GRAP2: variants seen among roughly 807,000 people sequenced by gnomAD.
GRAP2 encodes the protein GRB2 related adaptor protein 2.
In GRAP2, 31 loss-of-function variants were observed where a neutral mutation model predicts 43.5. The observed-to-expected ratio is 0.71, with a 90% CI of 0.54 to 0.96. The LOEUF (loss-of-function observed/expected upper bound fraction) is 0.96. GRAP2 is among the 40% of genes least tolerant of loss of function. The pLI is 0.00. For missense variants in GRAP2, 371 were observed against 424.4 expected (o/e 0.87, Z 1.11); for synonymous variants, 156 against 164.8 (o/e 0.95, Z 0.41).
chr22:39,958,273 G>A (rs547430372), intron 3 of GRAP2, among the ~76,000 whole-genome samples: 1 of 152,212 alleles, frequency 6.6e-6, no homozygotes, highest in South Asian at 2.1e-4. Context: ...GGTTTAGAAT[G>A]TCTCCTTTTC....
At chr22:39,905,167 A>G (rs796661490) in intron 1 of GRAP2, among the ~76,000 whole-genome samples, 4 of 152,296 alleles carry the variant, frequency 2.6e-5, no homozygotes, top group African/African-American at 9.6e-5. Context: ...AGTGTATCTC[A>G]TAAACACTTT....
At chr22:39,901,689 G>T (rs142138801) in intron 1 of GRAP2, among the ~76,000 whole-genome samples, 1 of 152,178 alleles carries the variant, frequency 6.6e-6, no homozygotes, top group Non-Finnish European at 1.5e-5. Context: ...GGGATTGGAG[G>T]GGGTGGTAGA....
At chr22:39,926,262 T>C (rs1268341275) in intron 1 of GRAP2, among the ~76,000 whole-genome samples, 2 of 152,200 alleles carry the variant, frequency 1.3e-5, no homozygotes, top group East Asian at 3.8e-4. Context: ...ATTGGCGCTG[T>C]GTAGTTACAC....
chr22:39,897,087 C>T (rs1436229710), upstream of GRAP2, among the ~76,000 whole-genome samples: 1 of 152,206 alleles, frequency 6.6e-6, no homozygotes, highest in Admixed American at 6.5e-5. Flanking sequence ...CTCTTCGATT[C>T]TGACAACTCT....
At chr22:39,923,906 G>A (rs1472425139) in intron 1 of GRAP2, among the ~76,000 whole-genome samples, 2 of 152,144 alleles carry the variant, frequency 1.3e-5, no homozygotes, top group African/African-American at 4.8e-5. Flanking sequence ...AATGCCATTG[G>A]ATCAGTAGGG....
intron 5 of GRAP2, among the ~76,000 whole-genome samples, chr22:39,967,544 C>T (rs2284077): frequency 0.43 from 65,186 of 152,036 alleles, 16,314 homozygotes; most frequent in Middle Eastern, 0.59. Context: ...TCTTCCCCCA[C>T]GTCCAGCCCG....
At chr22:39,958,707 T>G (rs185024059) in intron 3 of GRAP2, among the ~76,000 whole-genome samples, 2 of 152,352 alleles carry the variant, frequency 1.3e-5, no homozygotes, top group African/African-American at 4.8e-5. Flanking sequence ...TCCCCTTCAC[T>G]TCTGAAATGT....
chr22:39,904,949 T>C lies in GRAP2; in HGVS notation c.-15+3619T>C, dbSNP rs1431227748. 2.6e-5 allele frequency among the ~76,000 whole-genome samples: 4 copies of C among 152,140 alleles called. No individual in the cohort carries two copies. The East Asian group carries it at 7.7e-4, about 29-fold the overall frequency. Reference sequence around the variant, plus strand: ...TCCAAGTTAGGACTAAAAGCATGATTTGATTTTGATTGAACGTTTTTTGCA... The same window carrying C: ...TCCAAGTTAGGACTAAAAGCATGATCTGATTTTGATTGAACGTTTTTTGCA... On this transcript the variant is annotated intron_variant, in intron 1 of 7. Transcript: ENST00000344138.
Position 39,973,632 on chromosome 22 carries a change from A to G in GRAP2, c.*2548A>G, listed in dbSNP as rs970752926. On this transcript the variant is annotated 3_prime_UTR_variant, in exon 8 of 8. Coordinates refer to ENST00000344138, the MANE Select transcript of GRAP2 (RefSeq NM_004810.4). The stretch of plus-strand genomic sequence containing the variant: ...AATGAGGGCTCTTAGCGGCCAGGTA[A>G]AGAGGACAAGAACCAAACTGTCCAC... 6.6e-6 allele frequency: 1 copy of G among 152,244 alleles called. No homozygotes were observed. The highest frequency in any genetic ancestry group is 2.4e-5 in the African/African-American group (1 of 41,448). The allele number at this position is 152,244 out of a possible 1,614,324, so 9.4% of individuals were successfully genotyped here. A position where few individuals can be genotyped will look rare whatever the true frequency, so the allele number is the denominator to read the frequency against.
rs1384838010 is a variant in GRAP2 at position 39,971,424 on chromosome 22, G to C, written c.*340G>C. 1 of 290,610 alleles carries C rather than the reference G, an allele frequency of 3.4e-6. No homozygotes were observed. The highest frequency in any genetic ancestry group is 6.3e-6 in the Non-Finnish European group (1 of 157,628). 18.0% of individuals were successfully genotyped at this position (290,610 alleles called of 1,614,324 possible). A position where few individuals can be genotyped will look rare whatever the true frequency, so the allele number is the denominator to read the frequency against. On this transcript the variant is annotated 3_prime_UTR_variant, in exon 8 of 8. Transcript: ENST00000344138. ...CCTCCTTGTCTTGGGAATTTTCACG[G>C]AGAACAGCTAAGCAGAGACCACACC...
At chr22:39,955,740 C>A (rs2067042501) in intron 2 of GRAP2, 79 bp from the exon 3 acceptor site, 1 of 749,382 alleles carries the variant, frequency 1.3e-6, no homozygotes, top group Admixed American at 1.9e-5. Context: ...AAAGGGCCTT[C>A]TTTGCCTGGC....
intron 1 of GRAP2, among the ~76,000 whole-genome samples, chr22:39,910,558 G>A (rs533898267): frequency 3.0e-4 from 45 of 151,764 alleles, no homozygotes; most frequent in African/African-American, 8.9e-4. Context: ...ACAGGCGCCC[G>A]CCACCACGCC....
At chr22:39,900,542 TG>T (rs1263794151), upstream of GRAP2, among the ~76,000 whole-genome samples, 7 of 152,172 alleles carry the variant, frequency 4.6e-5, no homozygotes, top group Non-Finnish European at 7.4e-5. Flanking sequence ...TCAAGGTCAA[TG>T]GAAAGTCTTA....
At chr22:39,910,024 C>G (rs577422707) in intron 1 of GRAP2, among the ~76,000 whole-genome samples, 1 of 152,234 alleles carries the variant, frequency 6.6e-6, no homozygotes, top group African/African-American at 2.4e-5. Context: ...TGCTCTTCCC[C>G]TGCTTCCAAT....
intron 1 of GRAP2, among the ~76,000 whole-genome samples, chr22:39,945,397 C>A (rs901736335): frequency 6.6e-6 from 1 of 152,192 alleles, no homozygotes; most frequent in Middle Eastern, 3.2e-3. Context: ...CACCCTGTTG[C>A]AGTCGGCTTT....
chr22:39,915,926 G>A (rs1420076344), intron 1 of GRAP2, among the ~76,000 whole-genome samples: 2 of 152,080 alleles, frequency 1.3e-5, no homozygotes, highest in Non-Finnish European at 2.9e-5. Flanking sequence ...TCCAGCCAAA[G>A]CACACCCATT....
intron 1 of GRAP2, among the ~76,000 whole-genome samples, chr22:39,940,105 C>A (rs1219624353): frequency 6.6e-6 from 1 of 152,054 alleles, no homozygotes; most frequent in African/African-American, 2.4e-5. Flanking sequence ...AGAAGCAAGA[C>A]CCCACCAAAA....
intron 4 of GRAP2, 59 bp from the exon 5 acceptor site, chr22:39,965,931 C>T (rs916873850): frequency 1.8e-5 from 24 of 1,360,558 alleles, no homozygotes; most frequent in Non-Finnish European, 2.5e-5. Flanking sequence ...TGTGAGCAGC[C>T]TGGAGGTGGT....
intron 1 of GRAP2, among the ~76,000 whole-genome samples, chr22:39,921,254 G>A (rs1215282013): frequency 6.6e-6 from 1 of 152,140 alleles, no homozygotes; most frequent in African/African-American, 2.4e-5. Flanking sequence ...TCAGCTGTGT[G>A]ACCTGGGTTA....
Sources: gnomAD v4.1 joint callset for allele counts (sites outside exome capture counted in the v4.1 genomes callset) on GRCh38, gnomAD v4.1.1 for gene constraint, MANE v1.5 for transcripts, NCBI Gene and HGNC (gene_info 2026-07-23, HGNC 2026-07-21) for gene names.